The following RPAP3 variants were observed in gnomAD, a reference collection of about 807,000 sequenced individuals.
The protein encoded by RPAP3 is RNA polymerase II associated protein 3, also known as RNA polymerase II-associated protein 3.
In RPAP3, 58 loss-of-function variants were observed where a neutral mutation model predicts 88.8. The ratio of observed to expected loss-of-function variants is 0.65; its 90% confidence interval spans 0.53 to 0.81. The LOEUF is 0.81. RPAP3 is among the 40% of genes least tolerant of loss of function. The pLI is 0.00. For synonymous variants in RPAP3, 255 were observed against 259.9 expected (o/e 0.98, Z 0.18); for missense variants, 751 against 764.3 (o/e 0.98, Z 0.20).
In RPAP3 at chr12:47,679,523, G is replaced by C. The variant is rs1343760117; in HGVS notation, c.1257C>G (p.Pro419=). ...ATCCAGGATGCGGTGGATTATCAAT[G>C]GGTTTTACCACATTTTGTCTTTGTG... is the stretch of plus-strand genomic sequence containing the variant. The part of the protein sequence containing the change: ...DSTQRQNVVK[P]IDNPPHPGST... Residue 419 remains proline, a synonymous_variant, in exon 12 of 17, where the codon CCC becomes CCG. Coordinates refer to ENST00000005386, the MANE Select transcript of RPAP3 (RefSeq NM_024604.3). 1.2e-6 allele frequency: 2 copies of C among 1,603,954 alleles called. No homozygotes were observed. Among genetic ancestry groups the C allele is most frequent in the African/African-American group, 2.7e-5 (2 of 74,772 alleles).
chr12:47,700,170 G>C (rs1939629305), intron 3 of RPAP3: 1 of 151,970 alleles, frequency 6.6e-6, no homozygotes, highest in Admixed American at 6.6e-5. Context: ...GTACACTTGA[G>C]TAAAAATTCA....
Position 47,673,981 on chromosome 12 carries a change from G to C in RPAP3, c.1288-3636C>G, listed in dbSNP as rs1939055986. ...ATAGGCAGAAATATTTAAATTGATA[G>C]TGTTAAATTAAAATACTCACTTAAA... On this transcript the variant is annotated intron_variant, in intron 12 of 16. Coordinates refer to ENST00000005386, the MANE Select transcript of RPAP3 (RefSeq NM_024604.3). 2.0e-5 allele frequency among the ~76,000 whole-genome samples: 3 copies of C among 149,868 alleles called. No individual in the cohort carries two copies. The Admixed American group carries it at 2.0e-4, about 10-fold the overall frequency.
At chr12:47,669,737 A>C (rs1275207396) in intron 13 of RPAP3, among the ~76,000 whole-genome samples, 1 of 152,196 alleles carries the variant, frequency 6.6e-6, no homozygotes, top group Admixed American at 6.5e-5. Context: ...AGTCTTAAAT[A>C]CTAATGGATG....
At position 47,687,909 on chromosome 12, in the gene RPAP3, C is replaced by A. The variant is rs766555295; in HGVS notation, c.831G>T (p.Gln277His). 6.2e-7 allele frequency: 1 copy of A among 1,613,516 alleles called. No homozygotes were observed. The highest frequency in any genetic ancestry group is 1.1e-5 in the South Asian group (1 of 91,050). Reference protein sequence around the residue: ...EGERKQIEAQQNKQQAISEKD... With the variant: ...EGERKQIEAQHNKQQAISEKD... Reference sequence around the variant, plus strand: ...TCTCTGAAATGGCCTGCTGCTTATTCTGTTGTGCTTCAATTTGCTTTCGCT... The same window carrying A: ...TCTCTGAAATGGCCTGCTGCTTATTATGTTGTGCTTCAATTTGCTTTCGCT... Residue 277 changes from glutamine (Q) to histidine (H), a missense_variant, in exon 8 of 17, where the codon CAG (glutamine) becomes CAT (histidine). Transcript: ENST00000005386.
At chr12:47,672,186 CAA>C (rs1441229921) in intron 12 of RPAP3, among the ~76,000 whole-genome samples, 2 of 152,202 alleles carry the variant, frequency 1.3e-5, no homozygotes, top group Admixed American at 6.5e-5. Flanking sequence ...ACCCCAGGCC[CAA>C]GTTCACCTAC....
At position 47,701,545 on chromosome 12, in the gene RPAP3, C is replaced by T; in HGVS notation, c.213G>A (p.Glu71=). 6.2e-7 allele frequency: 1 copy of T among 1,600,294 alleles called. No individual in the cohort carries two copies. Among genetic ancestry groups the T allele is most frequent in the Non-Finnish European group, 8.5e-7 (1 of 1,174,158 alleles). ...TTTCCTCTCTGGTTTTTTTGGAAGACTCTTTAGCTTTGCCTTTCTTCTTTT... is the reference window on the plus strand; with the variant it reads ...TTTCCTCTCTGGTTTTTTTGGAAGATTCTTTAGCTTTGCCTTTCTTCTTTT... The part of the protein sequence containing the change: ...FRKKKKGKAK[E]SSKKTREENT... Residue 71 remains glutamate (E), a synonymous_variant, in exon 3 of 17, where the codon GAG becomes GAA. Transcript: ENST00000005386.
At chr12:47,679,643 CA>C (rs1427884883) in intron 11 of RPAP3, 49 bp from the exon 12 acceptor site, 2 of 1,501,584 alleles carry the variant, frequency 1.3e-6, no homozygotes, top group African/African-American at 2.8e-5. Context: ...TATTATACAA[CA>C]AATAAATATA....
At chr12:47,695,295 TAATA>T (rs1333681118) in intron 5 of RPAP3, among the ~76,000 whole-genome samples, 3 of 152,166 alleles carry the variant, frequency 2.0e-5, no homozygotes, top group African/African-American at 7.2e-5. Flanking sequence ...CATAAAAATA[TAATA>T]AATAGGTGAG....
chr12:47,675,053 C>G (rs1437606881), intron 12 of RPAP3, among the ~76,000 whole-genome samples: 1 of 152,178 alleles, frequency 6.6e-6, no homozygotes, highest in Non-Finnish European at 1.5e-5. Flanking sequence ...GATCTCTCAG[C>G]AGAAACCCTA....
intron 9 of RPAP3, among the ~76,000 whole-genome samples, chr12:47,682,696 A>C (rs1268541132): frequency 6.7e-6 from 1 of 149,952 alleles, no homozygotes; most frequent in Admixed American, 6.7e-5. Context: ...AAAAAAAAAC[A>C]CTCCTGTAAT....
chr12:47,682,566 A>G (rs1185981012), intron 9 of RPAP3, among the ~76,000 whole-genome samples: 1 of 152,074 alleles, frequency 6.6e-6, no homozygotes, highest in Non-Finnish European at 1.5e-5. Flanking sequence ...ATTCGGGGGG[A>G]AAATGCTGAA....
At chr12:47,697,518 C>T (rs913762877) in intron 4 of RPAP3, 79 bp downstream of exon 4, 2 of 1,354,740 alleles carry the variant, frequency 1.5e-6, no homozygotes, top group Non-Finnish European at 2.0e-6. Context: ...TAAAACTATG[C>T]TCAAGAAACT....
chr12:47,661,883 G>T lies in RPAP3; in HGVS notation c.*1622C>A, dbSNP rs965327536. The T allele has an allele frequency of 6.6e-6, 1 of 152,134 alleles. No homozygotes were observed. The highest frequency in any genetic ancestry group is 2.4e-5 in the African/African-American group (1 of 41,428). 9.4% of individuals were successfully genotyped at this position (152,134 alleles called of 1,614,324 possible). ...GACTACCTTGTAAGTTTCTTCAAAG[G>T]ATCATACCGTAGTCCATTCGGGTTG... On this transcript the variant is annotated 3_prime_UTR_variant, in exon 17 of 17. Transcript: ENST00000005386.
chr12:47,671,836 C>G (rs1438225609), intron 12 of RPAP3, among the ~76,000 whole-genome samples: 1 of 152,076 alleles, frequency 6.6e-6, no homozygotes, highest in Non-Finnish European at 1.5e-5. Context: ...GCTGGAAGGA[C>G]TGTGGGGAAG....
Position 47,686,827 on chromosome 12 carries a change from A to AT in RPAP3, c.944dup (p.Asn315LysfsTer7). On this transcript the variant is annotated frameshift_variant, in exon 9 of 17. Coordinates refer to ENST00000005386, the MANE Select transcript of RPAP3 (RefSeq NM_024604.3). LOFTEE classifies it high-confidence loss of function. ...TAGCTCTGTTAGCTGGAAGAAGGGC[A>AT]TTAGCACCATCTGCTGCTATCCCTC... 1 of 1,607,016 alleles carries AT rather than the reference A, an allele frequency of 6.2e-7. No homozygotes were observed. Among genetic ancestry groups the AT allele is most frequent in the Non-Finnish European group, 8.5e-7 (1 of 1,176,844 alleles).
chr12:47,695,088 G>A (rs1301634082), intron 5 of RPAP3, among the ~76,000 whole-genome samples: 1 of 151,966 alleles, frequency 6.6e-6, no homozygotes, highest in Non-Finnish European at 1.5e-5. Context: ...ACAGAAGGTG[G>A]GCAATAGAAA....
Position 47,663,568 on chromosome 12 carries a change from G to A in RPAP3, c.1935C>T (p.His645=), listed in dbSNP as rs369070918. Reference sequence around the variant, plus strand: ...TATCCTTCAATCCTGACTTGTCTATGTGATTAAATAATGCACGTGCAACTG... The same window carrying A: ...TATCCTTCAATCCTGACTTGTCTATATGATTAAATAATGCACGTGCAACTG... ...EKKIARALFN[H]IDKSGLKDSS... Residue 645 remains histidine, a synonymous_variant, in exon 17 of 17, where the codon CAC becomes CAT. Coordinates refer to ENST00000005386, the MANE Select transcript of RPAP3 (RefSeq NM_024604.3). 2 of 1,581,444 alleles carry A rather than the reference G, an allele frequency of 1.3e-6. No individual in the cohort carries two copies. Among genetic ancestry groups the A allele is most frequent in the South Asian group, 1.2e-5 (1 of 85,314 alleles).
At chr12:47,663,950 G>T (rs1592464694) in intron 16 of RPAP3, among the ~76,000 whole-genome samples, 1 of 121,294 alleles carries the variant, frequency 8.2e-6, no homozygotes, top group African/African-American at 2.6e-5. Flanking sequence ...CAACTAAACT[G>T]TTTTTCAAAC....
intron 4 of RPAP3, 68 bp from the exon 5 acceptor site, chr12:47,696,471 C>A: frequency 8.2e-7 from 1 of 1,214,598 alleles, no homozygotes; most frequent in Non-Finnish European, 1.1e-6. Context: ...GACCCTTGAA[C>A]GACCCAGGTT....
Sources: allele counts gnomAD v4.1 joint callset (sites outside exome capture counted in the v4.1 genomes callset), GRCh38; gene constraint gnomAD v4.1.1; transcripts MANE v1.5; gene names NCBI Gene and HGNC (gene_info 2026-07-23, HGNC 2026-07-21).